The following FAM169A variants were observed in gnomAD, a reference collection of about 807,000 sequenced individuals.
The protein encoded by FAM169A is family with sequence similarity 169 member A.
A neutral mutation model predicts 75.7 loss-of-function variants in FAM169A; 24 were observed. The ratio of observed to expected loss-of-function variants is 0.32; its 90% CI spans 0.23 to 0.45. The LOEUF (loss-of-function observed/expected upper bound fraction) is 0.45, where lower values mean the gene tolerates loss of function less well. Ranked by LOEUF, FAM169A falls within the 20% of genes least tolerant of loss-of-function variation. The probability of loss-of-function intolerance (pLI) is 1.00; values close to 1 mark genes in which losing one functional copy is unlikely to be tolerated. For missense variants in FAM169A, 673 were observed against 784.0 expected, an observed-to-expected ratio of 0.86 and a Z score of 1.69; for synonymous variants, 271 against 271.0, an observed-to-expected ratio of 1.00 and a Z score of 0.00.
chr5:74,800,268 T>G (rs1390063447), intron 10 of FAM169A, among the ~76,000 whole-genome samples: 5 of 152,184 alleles, frequency 3.3e-5, no homozygotes, highest in African/African-American at 1.2e-4. Context: ...TTGTTTGTTT[T>G]TTTTTTGCAA....
intron 1 of FAM169A, among the ~76,000 whole-genome samples, chr5:74,853,842 G>A (rs1262577593): frequency 6.6e-6 from 1 of 150,460 alleles, no homozygotes; most frequent in East Asian, 2.0e-4. Flanking sequence ...CGAGTAGCTA[G>A]GACTACAGGC....
At chr5:74,824,223 T>C (rs537724758) in intron 5 of FAM169A, among the ~76,000 whole-genome samples, 3 of 152,322 alleles carry the variant, frequency 2.0e-5, no homozygotes, top group African/African-American at 7.2e-5. Flanking sequence ...AGTCTTCAAA[T>C]TGGATCAAGG....
chr5:74,843,236 A>G (rs1306137528), intron 1 of FAM169A, among the ~76,000 whole-genome samples: 7 of 152,162 alleles, frequency 4.6e-5, no homozygotes, highest in Non-Finnish European at 7.3e-5. Flanking sequence ...CAAAAGAGAA[A>G]CCATGTTCTT....
At chr5:74,786,716 A>G (rs1324789761) in intron 11 of FAM169A, among the ~76,000 whole-genome samples, 1 of 152,208 alleles carries the variant, frequency 6.6e-6, no homozygotes, top group East Asian at 1.9e-4. Flanking sequence ...CCCAAGTGAG[A>G]GTCTTATCTC....
At chr5:74,788,736 A>G (rs528115323) in intron 11 of FAM169A, among the ~76,000 whole-genome samples, 33 of 152,082 alleles carry the variant, frequency 2.2e-4, no homozygotes, top group Non-Finnish European at 4.4e-4. Context: ...AAAATAGTCA[A>G]TCAAACACAA....
In FAM169A at chr5:74,826,884, T is replaced by A. The variant is rs1748056559; in HGVS notation, c.490+7542A>T. Among the ~76,000 whole-genome samples the A allele has an allele frequency of 2.0e-5, 3 of 152,188 alleles. No individual in the cohort carries two copies. The South Asian group carries it at 6.2e-4, about 32-fold the overall frequency. On this transcript the variant is annotated intron_variant, in intron 5 of 12. Transcript: ENST00000687041. ...ATCCAGAATTCCTTCCTGCATTTAGTTTAATATATCCCTAAACTCTGGTCT... is the reference window on the plus strand; with the variant it reads ...ATCCAGAATTCCTTCCTGCATTTAGATTAATATATCCCTAAACTCTGGTCT...
rs139001062 is a variant in FAM169A at position 74,796,258 on chromosome 5, T to A, written c.1104-72A>T. 5.3e-4 allele frequency: 722 copies of A among 1,370,046 alleles called. 3 individuals carry two copies. The East Asian group carries it at 8.6e-3, about 16-fold the overall frequency. 84.9% of individuals were successfully genotyped at this position (1,370,046 alleles called of 1,614,324 possible). On this transcript the variant is annotated intron_variant, in intron 10 of 12. Transcript: ENST00000687041. Reference sequence around the variant, plus strand: ...ATATAAAATCTCAGAAGTCCTTTCTTAAAGTAACATTTTAGAGAATCAACT... The same window carrying A: ...ATATAAAATCTCAGAAGTCCTTTCTAAAAGTAACATTTTAGAGAATCAACT...
chr5:74,855,251 G>C (rs1320745678), intron 1 of FAM169A, among the ~76,000 whole-genome samples: 1 of 152,068 alleles, frequency 6.6e-6, no homozygotes, highest in Non-Finnish European at 1.5e-5. Flanking sequence ...GCTGGAATGC[G>C]GTGGCACAAT....
intron 4 of FAM169A, among the ~76,000 whole-genome samples, chr5:74,836,322 CTTTG>C (rs1166507046): frequency 2.0e-5 from 3 of 148,206 alleles, no homozygotes; most frequent in South Asian, 2.1e-4. Flanking sequence ...AGATCTTTCT[CTTTG>C]TTTTTTAATT....
intron 11 of FAM169A, among the ~76,000 whole-genome samples, chr5:74,791,477 C>T (rs925107165): frequency 6.6e-6 from 1 of 152,170 alleles, no homozygotes; most frequent in Non-Finnish European, 1.5e-5. Flanking sequence ...TTCCATTAAA[C>T]TGGAAGTTAA....
intron 5 of FAM169A, among the ~76,000 whole-genome samples, chr5:74,826,354 A>G (rs1253491168): frequency 6.6e-6 from 1 of 152,202 alleles, no homozygotes; most frequent in African/African-American, 2.4e-5. Context: ...TTAAAAAGCT[A>G]ATTAGAAGCT....
intron 6 of FAM169A, among the ~76,000 whole-genome samples, chr5:74,807,227 T>C (rs1309773486): frequency 6.6e-6 from 1 of 152,296 alleles, no homozygotes; most frequent in East Asian, 1.9e-4. Context: ...TCACTTACCT[T>C]AAATGTGTTC....
intron 10 of FAM169A, among the ~76,000 whole-genome samples, chr5:74,797,492 T>A (rs2112513745): frequency 6.6e-6 from 1 of 152,290 alleles, no homozygotes; most frequent in East Asian, 1.9e-4. Flanking sequence ...CCTTATAATT[T>A]TATTTACCTT....
In FAM169A at chr5:74,795,815, T is replaced by C. The variant is rs562275925; in HGVS notation, c.1260+215A>G. 2.6e-5 allele frequency among the ~76,000 whole-genome samples: 4 copies of C among 152,336 alleles called. No individual in the cohort carries two copies. In the East Asian group the frequency reaches 7.7e-4, roughly 29 times the overall value. Reference sequence around the variant, plus strand: ...TTTATCTTCGATATAATTCAAACTTTTATAAGCTCAAACTTTTATAAACAC... The same window carrying C: ...TTTATCTTCGATATAATTCAAACTTCTATAAGCTCAAACTTTTATAAACAC... On this transcript the variant is annotated intron_variant, in intron 11 of 12. Coordinates refer to ENST00000687041, the MANE Select transcript of FAM169A (RefSeq NM_001376049.1).
At chr5:74,832,978 G>A (rs1748392044) in intron 5 of FAM169A, among the ~76,000 whole-genome samples, 1 of 152,014 alleles carries the variant, frequency 6.6e-6, no homozygotes, top group South Asian at 2.1e-4. Context: ...ACCAGAACAA[G>A]CAGAAATAGA....
rs1313823669 is a variant in FAM169A at position 74,782,915 on chromosome 5, C to G, written c.1464+16G>C. On this transcript the variant is annotated intron_variant, in intron 12 of 12. Transcript: ENST00000687041. ...ATTGGTAAACTTTATTAAAAAATAG[C>G]TCATTGCCCCCTTACCTTATCTGGT... The G allele has an allele frequency of 1.3e-6, 2 of 1,586,230 alleles. No individual in the cohort carries two copies. The highest frequency in any genetic ancestry group is 1.7e-5 in the Admixed American group (1 of 58,158).
chr5:74,854,222 C>A (rs1449976543), intron 1 of FAM169A, among the ~76,000 whole-genome samples: 1 of 151,976 alleles, frequency 6.6e-6, no homozygotes, highest in African/African-American at 2.4e-5. Flanking sequence ...GGTGAAACCT[C>A]ATCTCTACTA....
rs565812615 is a variant in FAM169A at position 74,795,270 on chromosome 5, G to T, written c.1260+760C>A. On this transcript the variant is annotated intron_variant, in intron 11 of 12. Transcript: ENST00000687041. Reference sequence around the variant, plus strand: ...CAAAACTCCGTCTCAAAAAGAAAAAGAAAACAAAATTGGTAATATAATTTC... The same window carrying T: ...CAAAACTCCGTCTCAAAAAGAAAAATAAAACAAAATTGGTAATATAATTTC... Among the ~76,000 whole-genome samples the T allele has an allele frequency of 9.9e-5, 15 of 152,136 alleles. No homozygotes were observed. The South Asian group carries it at 3.1e-3, about 32-fold the overall frequency.
At chr5:74,817,841 A>G (rs1747549066) in intron 5 of FAM169A, among the ~76,000 whole-genome samples, 1 of 152,208 alleles carries the variant, frequency 6.6e-6, no homozygotes, top group South Asian at 2.1e-4. Context: ...CTGAGGGTCC[A>G]GAAATAAACT....
Sources: gnomAD v4.1 joint callset for allele counts (sites outside exome capture counted in the v4.1 genomes callset) on GRCh38, gnomAD v4.1.1 for gene constraint, MANE v1.5 for transcripts, NCBI Gene and HGNC (gene_info 2026-07-23, HGNC 2026-07-21) for gene names.